Variants in ATG10 observed in about 807,000 individuals in gnomAD.
ATG10 encodes the protein autophagy related 10.
Under a neutral mutation model 32.1 loss-of-function variants are expected in ATG10, and 30 were observed. The observed-to-expected ratio is 0.94, with a 90% confidence interval of 0.70 to 1.27. The LOEUF (loss-of-function observed/expected upper bound fraction) is 1.27, where lower values mean the gene tolerates loss of function less well. Ranked by LOEUF, ATG10 falls within the 50% of genes most tolerant of loss-of-function variation. ATG10 has a pLI of 0.00. For synonymous variants in ATG10, 87 were observed against 91.5 expected, an observed-to-expected ratio of 0.95 and a Z score of 0.28; for missense variants, 233 against 262.3, an observed-to-expected ratio of 0.89 and a Z score of 0.77.
intron 3 of ATG10, among the ~76,000 whole-genome samples, chr5:82,135,294 C>G (rs921977459): frequency 2.6e-5 from 4 of 152,120 alleles, no homozygotes; most frequent in African/African-American, 9.7e-5. Context: ...TCTTGCTTCT[C>G]TAGTTCTTTT....
chr5:82,239,709 G>A (rs1746705095), intron 5 of ATG10, among the ~76,000 whole-genome samples: 1 of 152,020 alleles, frequency 6.6e-6, no homozygotes, highest in South Asian at 2.1e-4. Context: ...GCAAAGGAAA[G>A]ATCAACAAAG....
At chr5:82,136,747 AG>A (rs1766770942) in intron 3 of ATG10, among the ~76,000 whole-genome samples, 1 of 152,000 alleles carries the variant, frequency 6.6e-6, no homozygotes, top group South Asian at 2.1e-4. Context: ...TCTGAATTTG[AG>A]TGTTGGCCTG....
In ATG10 at chr5:82,060,321, CTCTG is replaced by C. The variant is rs1262334094; in HGVS notation, c.216+1723_216+1726del. Among the ~76,000 whole-genome samples the C allele has an allele frequency of 3.9e-5, 6 of 152,222 alleles. No individual in the cohort carries two copies. The South Asian group carries it at 6.2e-4, about 16-fold the overall frequency. On this transcript the variant is annotated intron_variant, in intron 3 of 7. Coordinates refer to ENST00000282185, the MANE Select transcript of ATG10 (RefSeq NM_031482.5). ...TGCTTGCTTTATTATATGTTGATCC[CTCTG>C]TCTATTAATACATCTTATTTTTTGA... is the stretch of plus-strand genomic sequence containing the variant.
chr5:82,223,717 G>C (rs762310888), intron 5 of ATG10, among the ~76,000 whole-genome samples: 2 of 152,104 alleles, frequency 1.3e-5, no homozygotes, highest in Non-Finnish European at 2.9e-5. Context: ...AACCTTTATA[G>C]TCTTATATAG....
rs375887009 is a variant in ATG10 at position 82,129,770 on chromosome 5, G to C, written c.217-34629G>C. The stretch of plus-strand genomic sequence containing the variant: ...GCCAGCTGAAGCTCTCCTTTATGAG[G>C]TGTCTGTCAATCCCTGCTGTGAGGT... On this transcript the variant is annotated intron_variant, in intron 3 of 7. Coordinates refer to ENST00000282185, the MANE Select transcript of ATG10 (RefSeq NM_031482.5). Among the ~76,000 whole-genome samples, 6 of 152,108 alleles carry C rather than the reference G, an allele frequency of 3.9e-5. No individual in the cohort carries two copies. In the East Asian group the frequency reaches 7.7e-4, roughly 20 times the overall value.
At chr5:82,023,007 A>AAT (rs140949596) in intron 2 of ATG10, among the ~76,000 whole-genome samples, 16,431 of 147,918 alleles carry the variant, frequency 0.11, 1,755 homozygotes, top group African/African-American at 0.28. Flanking sequence ...ACACACATAA[A>AAT]ATATATATAT....
chr5:82,185,570 A>T (rs575181329), intron 5 of ATG10, among the ~76,000 whole-genome samples: 36 of 152,280 alleles, frequency 2.4e-4, no homozygotes, highest in African/African-American at 8.7e-4. Flanking sequence ...AAAACATGAC[A>T]ATTAATTTTA....
chr5:82,228,221 A>G (rs1391112221), intron 5 of ATG10, among the ~76,000 whole-genome samples: 2 of 151,934 alleles, frequency 1.3e-5, no homozygotes, highest in Non-Finnish European at 2.9e-5. Context: ...AAAAAAAAAA[A>G]GTATGTATGT....
intron 2 of ATG10, among the ~76,000 whole-genome samples, chr5:82,041,245 T>C (rs144776634): frequency 1.7e-3 from 259 of 152,360 alleles, no homozygotes; most frequent in Non-Finnish European, 2.8e-3. Context: ...ATATGTTTTA[T>C]TGTTTATGTA....
rs184686622 is a variant in ATG10, at chr5:82,070,406, A to G, written c.216+11804A>G. 1.0e-3 allele frequency among the ~76,000 whole-genome samples: 159 copies of G among 152,318 alleles called. 1 individual carries two copies. Among genetic ancestry groups the G allele is most frequent in the African/African-American group, 3.4e-3 (140 of 41,584 alleles). ...AACATTATTAATTGTTCTCTTTCCAATAAGTATTTGTGAAGCATTTCACCC... is the reference window on the plus strand; with the variant it reads ...AACATTATTAATTGTTCTCTTTCCAGTAAGTATTTGTGAAGCATTTCACCC... On this transcript the variant is annotated intron_variant, in intron 3 of 7. Transcript: ENST00000282185.
chr5:82,012,438 T>C lies in ATG10; in HGVS notation c.108+24760T>C, dbSNP rs563569310. Among the ~76,000 whole-genome samples the C allele has an allele frequency of 3.3e-5, 5 of 152,352 alleles. No individual in the cohort carries two copies. The South Asian group carries it at 1.0e-3, about 32-fold the overall frequency. On this transcript the variant is annotated intron_variant, in intron 2 of 7. Coordinates refer to ENST00000282185, the MANE Select transcript of ATG10 (RefSeq NM_031482.5). The stretch of plus-strand genomic sequence containing the variant: ...TTGGTACTTTCTTTTGTGATTTTTA[T>C]GGCTGTCTTTTGCCCATAATAACTA...
At chr5:81,994,633 A>G (rs1270949182) in intron 2 of ATG10, among the ~76,000 whole-genome samples, 4 of 152,370 alleles carry the variant, frequency 2.6e-5, no homozygotes, top group Middle Eastern at 3.4e-3. Flanking sequence ...AGAAGTAAGC[A>G]TATTAAGCTA....
intron 2 of ATG10, among the ~76,000 whole-genome samples, chr5:81,990,330 C>T (rs1160146391): frequency 6.6e-6 from 1 of 151,848 alleles, no homozygotes; most frequent in Non-Finnish European, 1.5e-5. Flanking sequence ...AGTTTTTTTT[C>T]TTTAAGAAAT....
At chr5:82,139,276 G>A (rs1404979565) in intron 3 of ATG10, among the ~76,000 whole-genome samples, 2 of 149,988 alleles carry the variant, frequency 1.3e-5, no homozygotes, top group African/African-American at 5.0e-5. Context: ...CGTCTGGGAA[G>A]TGAGGAGTGT....
At chr5:82,189,018 C>CCAAA (rs1261845285) in intron 5 of ATG10, among the ~76,000 whole-genome samples, 1 of 152,080 alleles carries the variant, frequency 6.6e-6, no homozygotes, top group African/African-American at 2.4e-5. Context: ...AGAGATAATA[C>CCAAA]CAAAGTATAT....
intron 2 of ATG10, among the ~76,000 whole-genome samples, chr5:82,030,996 A>G (rs1423076361): frequency 6.6e-6 from 1 of 152,096 alleles, no homozygotes; most frequent in African/African-American, 2.4e-5. Context: ...TATTATTATT[A>G]TTATCATCAT....
At chr5:82,212,442 T>G (rs1433178158) in intron 5 of ATG10, among the ~76,000 whole-genome samples, 1 of 152,180 alleles carries the variant, frequency 6.6e-6, no homozygotes, top group African/African-American at 2.4e-5. Flanking sequence ...TCAACTATCT[T>G]GAGAAACTTT....
intron 1 of ATG10, among the ~76,000 whole-genome samples, chr5:81,979,689 CTTTT>C (rs35202555): frequency 4.8e-5 from 6 of 123,806 alleles, no homozygotes; most frequent in Non-Finnish European, 3.4e-5. Flanking sequence ...GTAGGTAAAC[CTTTT>C]TTTTTTTTTT....
At chr5:82,041,679 G>A (rs1763086226) in intron 2 of ATG10, among the ~76,000 whole-genome samples, 1 of 152,080 alleles carries the variant, frequency 6.6e-6, no homozygotes, top group Non-Finnish European at 1.5e-5. Flanking sequence ...AGGTAAATGA[G>A]CTCTAGAAAT....
Sources: gnomAD v4.1 joint callset for allele counts (sites outside exome capture counted in the v4.1 genomes callset) on GRCh38, gnomAD v4.1.1 for gene constraint, MANE v1.5 for transcripts, NCBI Gene and HGNC (gene_info 2026-07-23, HGNC 2026-07-21) for gene names.